Variants in TOP1 observed in about 807,000 individuals in gnomAD.
TOP1 encodes the protein DNA topoisomerase 1.
A neutral mutation model predicts 111.1 loss-of-function variants in TOP1; 10 were observed. That is an observed-to-expected ratio of 0.09 (90% confidence interval 0.06 to 0.15). The LOEUF (loss-of-function observed/expected upper bound fraction) is 0.15, where lower values mean the gene tolerates loss of function less well. Among genes scored for constraint, TOP1 ranks in the 10% least tolerant of loss-of-function variants. The probability of loss-of-function intolerance (pLI) is 1.00; values close to 1 mark genes in which losing one functional copy is unlikely to be tolerated. For missense variants in TOP1, 474 were observed against 926.7 expected (o/e 0.51, Z 6.34); for synonymous variants, 271 against 302.9 (o/e 0.89, Z 1.10).
At position 41,097,515 on chromosome 20, in the gene TOP1, TC is replaced by T; in HGVS notation, c.852+176del. ...TTTACTATATTATGTAGGGTTTCTG[TC>T]CAACAAGAGTACTTGTATATCTTTG... On this transcript the variant is annotated intron_variant, in intron 10 of 20. Transcript: ENST00000361337. The surrounding 1 kb of genome is among the most constrained non-coding windows in gnomAD (Gnocchi z 4.2). 6.6e-6 allele frequency among the ~76,000 whole-genome samples: 1 copy of T among 152,316 alleles called. No homozygotes were observed. Among genetic ancestry groups the T allele is most frequent in the South Asian group, 2.1e-4 (1 of 4,828 alleles).
intron 13 of TOP1, among the ~76,000 whole-genome samples, chr20:41,108,432 T>C (rs1397709365): frequency 6.6e-6 from 1 of 152,208 alleles, no homozygotes; most frequent in Non-Finnish European, 1.5e-5. Context: ...ATGTATCCTG[T>C]CTTTGCCCCC....
Position 41,032,785 on chromosome 20 carries a change from T to A in TOP1, c.58+3330T>A, listed in dbSNP as rs1006496389. Among the ~76,000 whole-genome samples, 9 of 152,252 alleles carry A rather than the reference T, an allele frequency of 5.9e-5. No homozygotes were observed. Among genetic ancestry groups the A allele is most frequent in the Non-Finnish European group, 1.3e-4 (9 of 68,038 alleles). On this transcript the variant is annotated intron_variant, in intron 2 of 20. Coordinates refer to ENST00000361337, the MANE Select transcript of TOP1 (RefSeq NM_003286.4). The surrounding 1 kb of genome is among the most constrained non-coding windows in gnomAD (Gnocchi z 4.3). ...TGATGCTAATAGATAGTTGTACTTC[T>A]GTCTGTTGGGTATGGGTTGGGATGG...
At chr20:41,117,486 A>G (rs547869509) in intron 17 of TOP1, among the ~76,000 whole-genome samples, 1 of 139,318 alleles carries the variant, frequency 7.2e-6, no homozygotes, top group South Asian at 2.2e-4. Context: ...CCTGGGGTTC[A>G]CGCCATTCTC....
Position 41,098,143 on chromosome 20 carries a change from G to C in TOP1, c.853-72G>C. ...GAAAAAATGGTGCTTGGGTGTATTTGCAAAGAAACCCAAGGACTTATTAGT... is the reference window on the plus strand; with the variant it reads ...GAAAAAATGGTGCTTGGGTGTATTTCCAAAGAAACCCAAGGACTTATTAGT... On this transcript the variant is annotated intron_variant, in intron 10 of 20. Transcript: ENST00000361337. The surrounding 1 kb of genome is among the most constrained non-coding windows in gnomAD (Gnocchi z 5.7). The C allele has an allele frequency of 6.5e-7, 1 of 1,527,516 alleles. No homozygotes were observed. Among genetic ancestry groups the C allele is most frequent in the Non-Finnish European group, 9.0e-7 (1 of 1,105,166 alleles). The allele number at this position is 1,527,516 out of a possible 1,614,324, so 94.6% of individuals were successfully genotyped here. A position where few individuals can be genotyped will look rare whatever the true frequency, so the allele number is the denominator to read the frequency against.
chr20:41,073,393 GAAAGAAAAGA>G (rs200385566), intron 3 of TOP1: 9 of 975,850 alleles, frequency 9.2e-6, no homozygotes, highest in Admixed American at 6.3e-5. Context: ...AAAAAAGAAA[GAAAGAAAAGA>G]AAAGAAAAGA....
chr20:41,117,940 T>G (rs2034360395), intron 17 of TOP1, among the ~76,000 whole-genome samples: 1 of 152,178 alleles, frequency 6.6e-6, no homozygotes, highest in Non-Finnish European at 1.5e-5. Flanking sequence ...GTTCCTCTTG[T>G]GATAGGAATT....
intron 2 of TOP1, among the ~76,000 whole-genome samples, chr20:41,060,370 A>C (rs1198222762): frequency 6.6e-6 from 1 of 152,250 alleles, no homozygotes; most frequent in Non-Finnish European, 1.5e-5. Flanking sequence ...AATGTCACAA[A>C]TGTTATGCTG....
intron 2 of TOP1, among the ~76,000 whole-genome samples, chr20:41,047,525 G>A (rs955448154): frequency 6.6e-6 from 1 of 152,192 alleles, no homozygotes; most frequent in Admixed American, 6.5e-5. Flanking sequence ...TCAGAATGTA[G>A]TTGGAGGAAA....
chr20:41,112,963 G>GCTTA lies in TOP1; in HGVS notation c.1452+39_1452+42dup. The GCTTA allele has an allele frequency of 6.3e-7, 1 of 1,599,874 alleles. No homozygotes were observed. Among genetic ancestry groups the GCTTA allele is most frequent in the Non-Finnish European group, 8.5e-7 (1 of 1,172,066 alleles). On this transcript the variant is annotated intron_variant, in intron 14 of 20. Coordinates refer to ENST00000361337, the MANE Select transcript of TOP1 (RefSeq NM_003286.4). The surrounding 1 kb of genome is among the most constrained non-coding windows in gnomAD (Gnocchi z 5.8). ...TCCCATCGGCATTGTCTAGTGTTGA[G>GCTTA]CTTAACAAAGGGAGTTTCTGCTCTG...
Position 41,029,581 on chromosome 20 carries a change from C to G in TOP1, c.58+126C>G. The G allele has an allele frequency of 1.3e-6, 1 of 785,896 alleles. No homozygotes were observed. Among genetic ancestry groups the G allele is most frequent in the Non-Finnish European group, 2.1e-6 (1 of 468,574 alleles). 48.7% of individuals were successfully genotyped at this position (785,896 alleles called of 1,614,324 possible). A position where few individuals can be genotyped will look rare whatever the true frequency, so the allele number is the denominator to read the frequency against. Reference sequence around the variant, plus strand: ...GACTAAGTCCCGGCTCCTCGCTCACCGGCCCCATTGTTCCCATCGGGCCGC... The same window carrying G: ...GACTAAGTCCCGGCTCCTCGCTCACGGGCCCCATTGTTCCCATCGGGCCGC... On this transcript the variant is annotated intron_variant, in intron 2 of 20. Transcript: ENST00000361337. This position sits in a 1 kb window ranked among gnomAD's most constrained non-coding sequence, Gnocchi z 6.1.
rs375136772 is a variant in TOP1 at position 41,113,372 on chromosome 20, CTTAT to C, written c.1452+451_1452+454del. 2.7e-3 allele frequency among the ~76,000 whole-genome samples: 411 copies of C among 152,122 alleles called. 3 individuals carry two copies. The highest frequency in any genetic ancestry group is 9.3e-3 in the African/African-American group (387 of 41,494). ...GTAGCAGCACTCCCTCATTTGCTGC[CTTAT>C]TTAATTTTTTTTTTCCTTTTCTCCA... On this transcript the variant is annotated intron_variant, in intron 14 of 20. Coordinates refer to ENST00000361337, the MANE Select transcript of TOP1 (RefSeq NM_003286.4).
chr20:41,118,342 T>C lies in TOP1; in HGVS notation c.1950+46T>C. 1 of 1,604,438 alleles carries C rather than the reference T, an allele frequency of 6.2e-7. No individual in the cohort carries two copies. Among genetic ancestry groups the C allele is most frequent in the East Asian group, 2.2e-5 (1 of 44,708 alleles). ...GGAACTGTGTCTGCTGTGGGCAGAT[T>C]ATCTGCGAATGAGAGGATTCAGGGC... On this transcript the variant is annotated intron_variant, in intron 18 of 20. Coordinates refer to ENST00000361337, the MANE Select transcript of TOP1 (RefSeq NM_003286.4). The surrounding 1 kb of genome is among the most constrained non-coding windows in gnomAD (Gnocchi z 4.6).
intron 8 of TOP1, among the ~76,000 whole-genome samples, chr20:41,091,974 C>G (rs1251861847): frequency 6.6e-6 from 1 of 152,160 alleles, no homozygotes; most frequent in Admixed American, 6.5e-5. Context: ...CCAGGTAATG[C>G]GTAAGTACCT....
intron 8 of TOP1, among the ~76,000 whole-genome samples, chr20:41,089,740 C>CT (rs2033895742): frequency 6.6e-6 from 1 of 152,046 alleles, no homozygotes; most frequent in Non-Finnish European, 1.5e-5. Flanking sequence ...TTGGCTGCAC[C>CT]TTTTTACGTT....
rs2145975230 is a variant in TOP1 at position 41,123,574 on chromosome 20, A to G, written c.*277A>G. ...TTTTCAAGAGGGCAAGTGGATGGGA[A>G]TTTGTCAGCGTTCTACCAGGCAAAT... On this transcript the variant is annotated 3_prime_UTR_variant, in exon 21 of 21. Coordinates refer to ENST00000361337, the MANE Select transcript of TOP1 (RefSeq NM_003286.4). This position sits in a 1 kb window ranked among gnomAD's most constrained non-coding sequence, Gnocchi z 5.8. The G allele has an allele frequency of 5.8e-6, 2 of 343,140 alleles. No homozygotes were observed. Among genetic ancestry groups the G allele is most frequent in the East Asian group, 9.7e-5 (2 of 20,542 alleles). 21.3% of individuals were successfully genotyped at this position (343,140 alleles called of 1,614,324 possible). A position where few individuals can be genotyped will look rare whatever the true frequency, so the allele number is the denominator to read the frequency against.
chr20:41,066,557 CTTTTT>C (rs776922601), intron 3 of TOP1, among the ~76,000 whole-genome samples: 2 of 129,398 alleles, frequency 1.5e-5, no homozygotes, highest in Admixed American at 7.9e-5. Context: ...CTTTTCTTTT[CTTTTT>C]TTTTTTTTTT....
chr20:41,029,517 C>T lies in TOP1; in HGVS notation c.58+62C>T, dbSNP rs770594051. On this transcript the variant is annotated intron_variant, in intron 2 of 20. Coordinates refer to ENST00000361337, the MANE Select transcript of TOP1 (RefSeq NM_003286.4). The surrounding 1 kb of genome is among the most constrained non-coding windows in gnomAD (Gnocchi z 6.1). The stretch of plus-strand genomic sequence containing the variant: ...AGCCGCCGGCCGCCTCCCCCGCGCC[C>T]TGCCGGTGCCGGGCAGAGGACAGAC... 1.5e-5 allele frequency: 20 copies of T among 1,376,298 alleles called. No individual in the cohort carries two copies. Among genetic ancestry groups the T allele is most frequent in the East Asian group, 2.5e-5 (1 of 39,476 alleles). The allele number at this position is 1,376,298 out of a possible 1,614,324, so 85.3% of individuals were successfully genotyped here. A position where few individuals can be genotyped will look rare whatever the true frequency, so the allele number is the denominator to read the frequency against.
rs994875286 is a variant in TOP1, at chr20:41,121,634, C to T, written c.1951-62C>T. ...GGTCCAGATAACATCTTGGTTTCAC[C>T]TTCTCAGGTGGAGCCATTTTTCCTC... On this transcript the variant is annotated intron_variant, in intron 18 of 20. Transcript: ENST00000361337. The surrounding 1 kb of genome is among the most constrained non-coding windows in gnomAD (Gnocchi z 4.2). 2 of 1,339,342 alleles carry T rather than the reference C, an allele frequency of 1.5e-6. No homozygotes were observed. Among genetic ancestry groups the T allele is most frequent in the African/African-American group, 2.9e-5 (2 of 69,586 alleles). 83.0% of individuals were successfully genotyped at this position (1,339,342 alleles called of 1,614,324 possible).
At position 41,110,888 on chromosome 20, in the gene TOP1, C is replaced by T. The variant is rs151002004; in HGVS notation, c.1309-1894C>T. ...ACAAGCATACTTCTTGGAGGCCAGC[C>T]ATCTCCTGCTGGATCTAAGCGGGGT... On this transcript the variant is annotated intron_variant, in intron 13 of 20. Transcript: ENST00000361337. This position sits in a 1 kb window ranked among gnomAD's most constrained non-coding sequence, Gnocchi z 4.2. Among the ~76,000 whole-genome samples the T allele has an allele frequency of 2.6e-5, 4 of 152,296 alleles. No homozygotes were observed. The highest frequency in any genetic ancestry group is 5.9e-5 in the Non-Finnish European group (4 of 68,030).
Sources: allele counts gnomAD v4.1 joint callset (sites outside exome capture counted in the v4.1 genomes callset), GRCh38; gene constraint gnomAD v4.1.1; non-coding constraint Gnocchi (gnomAD v3.1); transcripts MANE v1.5; gene names NCBI Gene and HGNC (gene_info 2026-07-23, HGNC 2026-07-21).